DYSF: variants seen among roughly 807,000 people sequenced by gnomAD.
DYSF encodes dysferlin.
A neutral mutation model predicts 274.9 loss-of-function variants in DYSF; 212 were observed. The observed-to-expected ratio is 0.77, with a 90% confidence interval of 0.69 to 0.86. The LOEUF (loss-of-function observed/expected upper bound fraction) is 0.86. Among genes scored for constraint, DYSF ranks in the 40% least tolerant of loss-of-function variants. DYSF has a pLI of 0.00. For synonymous variants in DYSF, 1,091 were observed against 1,078.7 expected (o/e 1.01, Z -0.22); for missense variants, 2,666 against 2,783.2 (o/e 0.96, Z 0.95).
chr2:71,666,813 A>G (rs1463240609), intron 47 of DYSF, among the ~76,000 whole-genome samples: 1 of 152,204 alleles, frequency 6.6e-6, no homozygotes, highest in Non-Finnish European at 1.5e-5. Flanking sequence ...CTTCTATAAA[A>G]TGGGGATAAT....
chr2:71,477,191 T>C (rs1253074847), intron 1 of DYSF, among the ~76,000 whole-genome samples: 3 of 152,042 alleles, frequency 2.0e-5, no homozygotes, highest in Non-Finnish European at 4.4e-5. Flanking sequence ...GACAAAGCAG[T>C]GTCTCCCTGA....
At chr2:71,606,635 T>C (rs1249211415) in intron 36 of DYSF, among the ~76,000 whole-genome samples, 1 of 152,020 alleles carries the variant, frequency 6.6e-6, no homozygotes, top group Admixed American at 6.6e-5. Flanking sequence ...TGGGAGATGA[T>C]CAGAGATCCC....
At chr2:71,621,736 T>G (rs371134255) in intron 41 of DYSF, among the ~76,000 whole-genome samples, 1 of 152,120 alleles carries the variant, frequency 6.6e-6, no homozygotes, top group African/African-American at 2.4e-5. Context: ...CTTGGCTCAC[T>G]GCAACCTCCA....
rs559213401 is a variant in DYSF at position 71,567,664 on chromosome 2, C to T, written c.2566-287C>T. ...GTGGGAGAAGGGGAGAGGAGAGGTCCTGGGCTAGACATGGTTCTTCTCTGC... is the reference window on the plus strand; with the variant it reads ...GTGGGAGAAGGGGAGAGGAGAGGTCTTGGGCTAGACATGGTTCTTCTCTGC... On this transcript the variant is annotated intron_variant, in intron 24 of 55. Transcript: ENST00000410020. Among the ~76,000 whole-genome samples the T allele has an allele frequency of 1.4e-4, 21 of 152,112 alleles. No individual in the cohort carries two copies. In the East Asian group the frequency reaches 1.9e-3, roughly 14 times the overall value.
At chr2:71,598,841 T>A in intron 33 of DYSF, 96 bp downstream of exon 33, 1 of 1,439,670 alleles carries the variant, frequency 6.9e-7, no homozygotes, top group Non-Finnish European at 9.6e-7. Context: ...GCCAGATGGG[T>A]GCTCTCCTAA....
intron 32 of DYSF, among the ~76,000 whole-genome samples, chr2:71,593,626 C>G (rs1378711373): frequency 6.6e-6 from 1 of 152,206 alleles, no homozygotes; most frequent in Non-Finnish European, 1.5e-5. Flanking sequence ...TGAACGGTAG[C>G]CTGAGCTGAG....
intron 32 of DYSF, among the ~76,000 whole-genome samples, chr2:71,595,420 T>G (rs1297253954): frequency 6.6e-6 from 1 of 152,198 alleles, no homozygotes; most frequent in African/African-American, 2.4e-5. Flanking sequence ...GCCGAGCGAC[T>G]TGGTCTTCCT....
rs200886314 is a variant in DYSF, at chr2:71,571,618, A to G, written c.3228+877A>G. On this transcript the variant is annotated intron_variant, in intron 29 of 55. Transcript: ENST00000410020. ...CACACACAGCTCACACCCAGCACAC[A>G]CACAGATCACACCCAGCACATGCAG... 3.2e-3 allele frequency among the ~76,000 whole-genome samples: 427 copies of G among 131,808 alleles called. 16 individuals are homozygous for G. The East Asian group carries it at 0.096, about 29-fold the overall frequency. 86.5% of individuals were successfully genotyped at this position (131,808 alleles called of 152,430 possible). A position where few individuals can be genotyped will look rare whatever the true frequency, so the allele number is the denominator to read the frequency against.
intron 3 of DYSF, among the ~76,000 whole-genome samples, chr2:71,492,497 C>T (rs998098484): frequency 3.3e-5 from 5 of 152,078 alleles, no homozygotes; most frequent in Non-Finnish European, 5.9e-5. Context: ...AATTGGCATG[C>T]GCTTTTCTTC....
chr2:71,488,167 A>G (rs751195387), intron 3 of DYSF, among the ~76,000 whole-genome samples: 26 of 152,220 alleles, frequency 1.7e-4, no homozygotes, highest in Non-Finnish European at 2.2e-4. Flanking sequence ...AGCAGGGATT[A>G]ATTGTCCCCA....
intron 42 of DYSF, among the ~76,000 whole-genome samples, chr2:71,654,284 A>G (rs1013450268): frequency 1.3e-5 from 2 of 152,256 alleles, no homozygotes; most frequent in Non-Finnish European, 2.9e-5. Context: ...GTGTGGGCAC[A>G]CTTGAACACT....
intron 22 of DYSF, among the ~76,000 whole-genome samples, chr2:71,560,766 C>T (rs897479042): frequency 2.6e-5 from 4 of 151,910 alleles, no homozygotes; most frequent in Non-Finnish European, 5.9e-5. Context: ...GGGAGTCAGA[C>T]GCTGCAGGGA....
chr2:71,519,606 C>T (rs2087012182), intron 10 of DYSF, among the ~76,000 whole-genome samples: 1 of 151,702 alleles, frequency 6.6e-6, no homozygotes, highest in Admixed American at 6.6e-5. Flanking sequence ...TCCAAATCTA[C>T]CATGCAGGGA....
At chr2:71,553,753 T>TTC in intron 20 of DYSF, 54 bp from the exon 21 acceptor site, 1 of 567,526 alleles carries the variant, frequency 1.8e-6, no homozygotes, top group Non-Finnish European at 3.0e-6. Flanking sequence ...TAGCACCCCA[T>TTC]CCCACCCGCC....
At chr2:71,624,150 A>G (rs1421755131) in intron 41 of DYSF, among the ~76,000 whole-genome samples, 1 of 152,136 alleles carries the variant, frequency 6.6e-6, no homozygotes, top group Non-Finnish European at 1.5e-5. Flanking sequence ...TTCAAATTCT[A>G]TGTGTTTTTA....
At chr2:71,571,899 A>G (rs1263196658) in intron 29 of DYSF, among the ~76,000 whole-genome samples, 2 of 135,652 alleles carry the variant, frequency 1.5e-5, no homozygotes, top group South Asian at 2.6e-4. Context: ...CACACCCAGC[A>G]CACACACAGA....
upstream of DYSF, among the ~76,000 whole-genome samples, chr2:71,461,805 G>A (rs1202270113): frequency 6.6e-6 from 1 of 152,200 alleles, no homozygotes; most frequent in Non-Finnish European, 1.5e-5. Flanking sequence ...GGATGATTTA[G>A]GCTGCAAGCA....
intron 55 of DYSF, among the ~76,000 whole-genome samples, chr2:71,684,972 G>A (rs993352027): frequency 1.3e-5 from 2 of 148,636 alleles, no homozygotes; most frequent in Admixed American, 1.3e-4. Flanking sequence ...AAAAGCCAAG[G>A]GGAGGGGAAA....
At chr2:71,559,660 C>A (rs531836272) in intron 22 of DYSF, among the ~76,000 whole-genome samples, 1 of 152,330 alleles carries the variant, frequency 6.6e-6, no homozygotes, top group Admixed American at 6.5e-5. Flanking sequence ...ACATGCTGCT[C>A]CATCAGCCAG....
Sources: allele counts gnomAD v4.1 joint callset (sites outside exome capture counted in the v4.1 genomes callset), GRCh38; gene constraint gnomAD v4.1.1; transcripts MANE v1.5; gene names NCBI Gene and HGNC (gene_info 2026-07-23, HGNC 2026-07-21).